Variants in PPIL3 observed in about 807,000 individuals in gnomAD.
PPIL3 encodes the protein peptidylprolyl isomerase like 3, also known as peptidyl-prolyl cis-trans isomerase-like 3.
A neutral mutation model predicts 20.9 loss-of-function variants in PPIL3; 13 were observed. The observed-to-expected ratio is 0.62, with a 90% CI of 0.40 to 0.99. The LOEUF (loss-of-function observed/expected upper bound fraction) is 0.99, where lower values mean the gene tolerates loss of function less well. Ranked by LOEUF, PPIL3 falls within the 50% of genes least tolerant of loss-of-function variation. The pLI is 0.00. For missense variants in PPIL3, 170 were observed against 195.2 expected (o/e 0.87, Z 0.77); for synonymous variants, 71 against 64.4 (o/e 1.10, Z -0.49).
chr2:200,871,203 A>G lies in PPIL3; in HGVS notation c.*192T>C. 2.3e-6 allele frequency: 1 copy of G among 432,728 alleles called. No homozygotes were observed. The highest frequency in any genetic ancestry group is 4.1e-6 in the Non-Finnish European group (1 of 245,054). 26.8% of individuals were successfully genotyped at this position (432,728 alleles called of 1,614,324 possible). On this transcript the variant is annotated 3_prime_UTR_variant, in exon 7 of 7. Coordinates refer to ENST00000392283, the MANE Select transcript of PPIL3 (RefSeq NM_130906.3). ...AATTAAAGAAATATGTTGGATAATC[A>G]TTATAATAAAGAATATGCTCTAAGA...
At chr2:200,875,583 T>G (rs1018185193) in intron 6 of PPIL3, among the ~76,000 whole-genome samples, 1 of 144,184 alleles carries the variant, frequency 6.9e-6, no homozygotes, top group African/African-American at 2.6e-5. Context: ...TTTTCTATCT[T>G]TTTTTTTTTA....
intron 1 of PPIL3, chr2:200,888,265 T>C (rs920728530): frequency 1.3e-5 from 2 of 152,038 alleles, no homozygotes; most frequent in Non-Finnish European, 2.9e-5. Context: ...ATTCTTATAC[T>C]CAGACATCTC....
chr2:200,880,124 G>A (rs1176689648), intron 5 of PPIL3, among the ~76,000 whole-genome samples: 1 of 152,096 alleles, frequency 6.6e-6, no homozygotes, highest in Non-Finnish European at 1.5e-5. Context: ...ACATGCACCT[G>A]TAGTCCCAGC....
chr2:200,887,010 G>C (rs1299187010), intron 2 of PPIL3: 1 of 152,146 alleles, frequency 6.6e-6, no homozygotes, highest in Non-Finnish European at 1.5e-5. Flanking sequence ...AATTAAAATT[G>C]TCAGACCTGT....
intron 6 of PPIL3, among the ~76,000 whole-genome samples, chr2:200,875,579 ATCTT>A (rs1184414206): frequency 6.8e-6 from 1 of 147,672 alleles, no homozygotes; most frequent in Non-Finnish European, 1.5e-5. Context: ...CTTTTTTTCT[ATCTT>A]TTTTTTTTTA....
Position 200,875,423 on chromosome 2 carries a change from G to A in PPIL3, c.359+1496C>T, listed in dbSNP as rs534196304. On this transcript the variant is annotated intron_variant, in intron 6 of 6. Transcript: ENST00000392283. Reference sequence around the variant, plus strand: ...GCTGGAATTACAGGCACGCACCACCGCACCCAGCTAATTTTTGTATTTTTA... The same window carrying A: ...GCTGGAATTACAGGCACGCACCACCACACCCAGCTAATTTTTGTATTTTTA... 1.1e-4 allele frequency among the ~76,000 whole-genome samples: 17 copies of A among 151,894 alleles called. No homozygotes were observed. In the South Asian group the frequency reaches 1.2e-3, roughly 11 times the overall value.
intron 2 of PPIL3, chr2:200,886,821 CTTTA>C (rs2039953881): frequency 6.6e-6 from 1 of 152,138 alleles, no homozygotes; most frequent in Admixed American, 6.5e-5. Context: ...TAGTTGCCCA[CTTTA>C]TTTAATTGTT....
chr2:200,888,844 C>T, intron 1 of PPIL3, 112 bp downstream of exon 1: 1 of 452,200 alleles, frequency 2.2e-6, no homozygotes, highest in South Asian at 1.6e-5. Context: ...GCAACAACAG[C>T]CTCGCCGCCC....
chr2:200,873,374 G>A (rs910768170), intron 6 of PPIL3, among the ~76,000 whole-genome samples: 4 of 151,830 alleles, frequency 2.6e-5, no homozygotes, highest in Non-Finnish European at 5.9e-5. Context: ...GTTTTTAGTA[G>A]AGATGGGATT....
At position 200,884,473 on chromosome 2, in the gene PPIL3, CACGCCTAT is replaced by C. The variant is rs2039855326; in HGVS notation, c.78+1217_78+1224del. ...ATAGAACAGGCCAGGCATGGTGGCT[CACGCCTAT>C]AATTCCAATACTTCAGGAAGCTGAG... On this transcript the variant is annotated intron_variant, in intron 3 of 6. Coordinates refer to ENST00000392283, the MANE Select transcript of PPIL3 (RefSeq NM_130906.3). 2.0e-5 allele frequency among the ~76,000 whole-genome samples: 3 copies of C among 152,264 alleles called. No individual in the cohort carries two copies. The South Asian group carries it at 6.2e-4, about 32-fold the overall frequency.
intron 6 of PPIL3, among the ~76,000 whole-genome samples, chr2:200,873,017 G>A (rs1278489703): frequency 6.6e-6 from 1 of 151,634 alleles, no homozygotes; most frequent in Non-Finnish European, 1.5e-5. Flanking sequence ...GATTATAGGA[G>A]CCTACCACCA....
At chr2:200,881,375 A>G (rs2039716313) in intron 5 of PPIL3, 46 bp downstream of exon 5, 1 of 1,469,380 alleles carries the variant, frequency 6.8e-7, no homozygotes, top group Non-Finnish European at 9.4e-7. Flanking sequence ...GTTTCCATGC[A>G]TAACCAAGGC....
intron 3 of PPIL3, among the ~76,000 whole-genome samples, chr2:200,884,075 A>C (rs2039837616): frequency 6.6e-6 from 1 of 152,178 alleles, no homozygotes; most frequent in Admixed American, 6.5e-5. Context: ...GAATAAATGA[A>C]TATATACAGG....
At chr2:200,885,393 AT>A in intron 3 of PPIL3, 1 of 338,418 alleles carries the variant, frequency 3.0e-6, no homozygotes, top group Non-Finnish European at 5.2e-6. Flanking sequence ...TAATAAATAA[AT>A]AAAAAAAAAG....
At chr2:200,871,587 A>C (rs2039307642) in intron 6 of PPIL3, 66 bp from the exon 7 acceptor site, 1 of 1,358,802 alleles carries the variant, frequency 7.4e-7, no homozygotes, top group Non-Finnish European at 1.0e-6. Context: ...CATATCTATG[A>C]CAATTACAGT....
intron 6 of PPIL3, among the ~76,000 whole-genome samples, chr2:200,873,553 AGAAGACT>A (rs1277909634): frequency 8.5e-5 from 13 of 152,162 alleles, no homozygotes; most frequent in Admixed American, 8.5e-4. Context: ...ATAGGAGAAG[AGAAGACT>A]GACAGTTAAC....
chr2:200,878,372 T>C (rs1234751254), intron 5 of PPIL3, among the ~76,000 whole-genome samples: 1 of 147,616 alleles, frequency 6.8e-6, no homozygotes, highest in African/African-American at 2.5e-5. Flanking sequence ...TTCTAATACC[T>C]TTTTTTTTTC....
Position 200,874,204 on chromosome 2 carries a change from CAAAAAAA to C in PPIL3, c.360-2690_360-2684del, listed in dbSNP as rs767177492. Among the ~76,000 whole-genome samples, 6 of 65,596 alleles carry C rather than the reference CAAAAAAA, an allele frequency of 9.1e-5. No homozygotes were observed. The East Asian group carries it at 1.7e-3, about 19-fold the overall frequency. 43.0% of individuals were successfully genotyped at this position (65,596 alleles called of 152,430 possible). ...TGGGCGACAGAGTGAGACTCTGTCT[CAAAAAAA>C]AAAAAAAAAAAAAATTAGCAGATTT... is the stretch of plus-strand genomic sequence containing the variant. On this transcript the variant is annotated intron_variant, in intron 6 of 6. Coordinates refer to ENST00000392283, the MANE Select transcript of PPIL3 (RefSeq NM_130906.3).
At chr2:200,871,795 A>G (rs915527655) in intron 6 of PPIL3, among the ~76,000 whole-genome samples, 1 of 152,242 alleles carries the variant, frequency 6.6e-6, no homozygotes, top group Non-Finnish European at 1.5e-5. Context: ...ATACAGTGAC[A>G]GAGAACAGCT....
Sources: allele counts gnomAD v4.1 joint callset (sites outside exome capture counted in the v4.1 genomes callset), GRCh38; gene constraint gnomAD v4.1.1; transcripts MANE v1.5; gene names NCBI Gene and HGNC (gene_info 2026-07-23, HGNC 2026-07-21).